Variants in SLC25A13 observed in about 807,000 individuals in gnomAD.
SLC25A13 encodes electrogenic aspartate/glutamate antiporter SLC25A13, mitochondrial.
A neutral mutation model predicts 85.5 loss-of-function variants in SLC25A13; 70 were observed. That is an observed-to-expected ratio of 0.82 (90% confidence interval 0.68 to 1.00). The LOEUF (loss-of-function observed/expected upper bound fraction) is 1.00. SLC25A13 is among the 50% of genes least tolerant of loss of function. The pLI is 0.00. For missense variants in SLC25A13, 765 were observed against 819.8 expected (o/e 0.93, Z 0.82); for synonymous variants, 259 against 288.7 (o/e 0.90, Z 1.04).
intron 4 of SLC25A13, among the ~76,000 whole-genome samples, chr7:96,217,915 A>AC (rs1232835906): frequency 1.3e-5 from 2 of 151,556 alleles, no homozygotes; most frequent in African/African-American, 4.9e-5. Flanking sequence ...AAAAAAAACA[A>AC]AAAACACCTA....
intron 5 of SLC25A13, among the ~76,000 whole-genome samples, chr7:96,193,973 C>T (rs1424364356): frequency 6.6e-6 from 1 of 152,144 alleles, no homozygotes; most frequent in Non-Finnish European, 1.5e-5. Context: ...TTGCTATTCC[C>T]AGGGGATAAG....
chr7:96,142,924 T>G (rs1385779334), intron 14 of SLC25A13, among the ~76,000 whole-genome samples: 2 of 152,214 alleles, frequency 1.3e-5, no homozygotes, highest in African/African-American at 4.8e-5. Flanking sequence ...TATACAACAT[T>G]TATGTATATG....
chr7:96,283,577 T>G (rs1245034394), intron 2 of SLC25A13: 1 of 330,234 alleles, frequency 3.0e-6, no homozygotes, highest in Non-Finnish European at 5.9e-6. Flanking sequence ...CTGTTGGCAC[T>G]GTTGTAAACA....
chr7:96,162,281 T>TA (rs151306198), intron 13 of SLC25A13, among the ~76,000 whole-genome samples: 3,300 of 152,274 alleles, frequency 0.022, 123 homozygotes, highest in African/African-American at 0.076. Context: ...TATGAGTGAG[T>TA]ATGAAATCTT....
chr7:96,164,846 CT>C (rs1793680487), intron 13 of SLC25A13, among the ~76,000 whole-genome samples: 1 of 151,884 alleles, frequency 6.6e-6, no homozygotes, highest in South Asian at 2.1e-4. Context: ...CATCTATATG[CT>C]TTCTATTCTT....
rs748525856 is a variant in SLC25A13, at chr7:96,170,136, A to T, written c.1231-11T>A. ...CACAAAATCGTTCACCTTGAAGAAA[A>T]ATATTTATAGAAGCTGATGAAAAAT... On this transcript the variant is annotated splice_polypyrimidine_tract_variant and intron_variant, in intron 12 of 17. Transcript: ENST00000265631. The T allele has an allele frequency of 6.2e-7, 1 of 1,611,760 alleles. No homozygotes were observed. The highest frequency in any genetic ancestry group is 1.1e-5 in the South Asian group (1 of 91,006).
chr7:96,270,284 G>A (rs1407480211), intron 3 of SLC25A13, among the ~76,000 whole-genome samples: 14 of 152,118 alleles, frequency 9.2e-5, no homozygotes, highest in East Asian at 1.9e-4. Flanking sequence ...GGCTGAGTGC[G>A]GTGGCTCACA....
intron 13 of SLC25A13, among the ~76,000 whole-genome samples, chr7:96,153,351 A>G (rs183457860): frequency 6.6e-6 from 1 of 152,264 alleles, no homozygotes; most frequent in Admixed American, 6.5e-5. Flanking sequence ...CTGGCTCTCC[A>G]TAGGAAGTTA....
chr7:96,273,300 T>C (rs1207568488), intron 3 of SLC25A13, among the ~76,000 whole-genome samples: 2 of 152,076 alleles, frequency 1.3e-5, no homozygotes, highest in Non-Finnish European at 2.9e-5. Context: ...CTAACTGCAG[T>C]ATAATCTTCA....
intron 1 of SLC25A13, among the ~76,000 whole-genome samples, chr7:96,309,141 C>G (rs528668140): frequency 2.6e-5 from 4 of 152,202 alleles, no homozygotes; most frequent in African/African-American, 7.2e-5. Context: ...AAAGAAGAGA[C>G]AGGATATCAC....
intron 15 of SLC25A13, among the ~76,000 whole-genome samples, chr7:96,129,974 C>A (rs1791952121): frequency 6.6e-6 from 1 of 152,102 alleles, no homozygotes; most frequent in African/African-American, 2.4e-5. Flanking sequence ...TGTTAAATAG[C>A]AATTATCTTA....
intron 11 of SLC25A13, among the ~76,000 whole-genome samples, chr7:96,174,449 A>C (rs143100181): frequency 2.7e-3 from 408 of 152,360 alleles, no homozygotes; most frequent in Middle Eastern, 0.017. Flanking sequence ...AGGCTTGGTT[A>C]TTACCTAATA....
At chr7:96,285,569 C>A (rs1448437706) in intron 2 of SLC25A13, among the ~76,000 whole-genome samples, 2 of 152,124 alleles carry the variant, frequency 1.3e-5, no homozygotes, top group East Asian at 3.8e-4. Flanking sequence ...AGTTCTCTCT[C>A]CTAAGGGCCT....
chr7:96,268,210 TTAACGAGA>T (rs1798107848), intron 3 of SLC25A13, among the ~76,000 whole-genome samples: 1 of 152,116 alleles, frequency 6.6e-6, no homozygotes, highest in Non-Finnish European at 1.5e-5. Flanking sequence ...TTGACTCCCT[TTAACGAGA>T]TAACAGTCAG....
intron 4 of SLC25A13, among the ~76,000 whole-genome samples, chr7:96,222,158 A>C (rs1326969050): frequency 6.6e-6 from 1 of 152,206 alleles, no homozygotes; most frequent in African/African-American, 2.4e-5. Flanking sequence ...CCACTTATTA[A>C]CATAAACAAG....
chr7:96,223,430 T>C (rs553565250), intron 4 of SLC25A13, among the ~76,000 whole-genome samples: 2 of 152,350 alleles, frequency 1.3e-5, no homozygotes, highest in East Asian at 3.9e-4. Flanking sequence ...AAACTGGTAT[T>C]GTATAGATCA....
At chr7:96,182,417 C>A (rs1241443318) in intron 11 of SLC25A13, among the ~76,000 whole-genome samples, 1 of 152,242 alleles carries the variant, frequency 6.6e-6, no homozygotes, top group Non-Finnish European at 1.5e-5. Context: ...AGCTCTGTCT[C>A]TTGCCCTTAA....
chr7:96,132,365 C>T (rs1185757251), intron 14 of SLC25A13, among the ~76,000 whole-genome samples: 2 of 152,154 alleles, frequency 1.3e-5, no homozygotes, highest in Non-Finnish European at 2.9e-5. Flanking sequence ...AAAGAAATTA[C>T]ACATACATAA....
chr7:96,226,261 A>G (rs2116781348), intron 4 of SLC25A13, among the ~76,000 whole-genome samples: 1 of 152,260 alleles, frequency 6.6e-6, no homozygotes. Flanking sequence ...TATAAGTAGA[A>G]TCATGTAATA....
Sources: gnomAD v4.1 joint callset for allele counts (sites outside exome capture counted in the v4.1 genomes callset) on GRCh38, gnomAD v4.1.1 for gene constraint, MANE v1.5 for transcripts, NCBI Gene and HGNC (gene_info 2026-07-23, HGNC 2026-07-21) for gene names.